The following TTF2 variants were observed in gnomAD, a reference collection of about 807,000 sequenced individuals.
The protein encoded by TTF2 is RNA polymerase II termination factor.
In TTF2, 108 loss-of-function variants were observed where a neutral mutation model predicts 142.4. The ratio of observed to expected loss-of-function variants is 0.76; its 90% CI spans 0.65 to 0.89. The LOEUF (loss-of-function observed/expected upper bound fraction) is 0.89, where lower values mean the gene tolerates loss of function less well. Ranked by LOEUF, TTF2 falls within the 40% of genes least tolerant of loss-of-function variation. TTF2 has a pLI of 0.00. For synonymous variants in TTF2, 483 were observed against 506.2 expected, an observed-to-expected ratio of 0.95 and a Z score of 0.61; for missense variants, 1,327 against 1,379.8, an observed-to-expected ratio of 0.96 and a Z score of 0.61.
intron 11 of TTF2, among the ~76,000 whole-genome samples, chr1:117,084,998 C>T (rs1245264815): frequency 3.3e-5 from 5 of 152,126 alleles, no homozygotes; most frequent in African/African-American, 1.2e-4. Flanking sequence ...CAAAAGGCAT[C>T]AGGGTGGCAG....
At chr1:117,082,203 T>C in intron 10 of TTF2, 1 of 455,012 alleles carries the variant, frequency 2.2e-6, no homozygotes, top group South Asian at 2.1e-5. Flanking sequence ...GAACACTTAA[T>C]TTAAGCATAA....
Position 117,086,479 on chromosome 1 carries a change from A to G in TTF2, c.2117A>G (p.Asn706Ser). 6.2e-7 allele frequency: 1 copy of G among 1,614,128 alleles called. No homozygotes were observed. The highest frequency in any genetic ancestry group is 1.1e-5 in the South Asian group (1 of 91,076). ...CTCGTGGCCAAGGAGATTCCCACAA[A>G]CAAGCAAGAGGCAGAGATCCCAGGT... ...YSLVAKEIPTNKQEAEIPGAN... is the reference protein window; with the variant it reads ...YSLVAKEIPTSKQEAEIPGAN... The change falls in exon 12 of 23, where the codon AAC becomes AGC. Residue 706 changes from asparagine to serine, a missense_variant. Physicochemically the swap from Asn to Ser is conservative, Grantham distance 46. Coordinates refer to ENST00000369466, the MANE Select transcript of TTF2 (RefSeq NM_003594.4). The surrounding 1 kb of genome is among the most constrained non-coding windows in gnomAD (Gnocchi z 4.2).
chr1:117,096,312 C>T lies in TTF2; in HGVS notation c.3186+13C>T. On this transcript the variant is annotated intron_variant, in intron 20 of 22. Coordinates refer to ENST00000369466, the MANE Select transcript of TTF2 (RefSeq NM_003594.4). Reference sequence around the variant, plus strand: ...CAGAGGCCCTCAGGTACAAGCTGGTCACATCAGAGCCGCATAATTAACTGT... The same window carrying T: ...CAGAGGCCCTCAGGTACAAGCTGGTTACATCAGAGCCGCATAATTAACTGT... 1 of 1,612,754 alleles carries T rather than the reference C, an allele frequency of 6.2e-7. No homozygotes were observed. Among genetic ancestry groups the T allele is most frequent in the Non-Finnish European group, 8.5e-7 (1 of 1,179,458 alleles).
chr1:117,081,467 A>G (rs541254511), intron 9 of TTF2, among the ~76,000 whole-genome samples: 1 of 152,258 alleles, frequency 6.6e-6, no homozygotes, highest in Non-Finnish European at 1.5e-5. Flanking sequence ...AGTAGGATAT[A>G]TCTACTGGAC....
At chr1:117,068,838 C>G (rs905899636) in intron 3 of TTF2, among the ~76,000 whole-genome samples, 1 of 152,214 alleles carries the variant, frequency 6.6e-6, no homozygotes, top group African/African-American at 2.4e-5. Context: ...CAGTACCATG[C>G]ACTGCACTGT....
In TTF2 at chr1:117,097,617, C is replaced by T. The variant is rs960154340; in HGVS notation, c.3269+184C>T. ...TAGGGCTAGCTGACTCCCCTGAATT[C>T]CTGAGCTAGCAAGCCTTCAAATGAC... is the stretch of plus-strand genomic sequence containing the variant. On this transcript the variant is annotated intron_variant, in intron 21 of 22. Transcript: ENST00000369466. This position sits in a 1 kb window ranked among gnomAD's most constrained non-coding sequence, Gnocchi z 4.1. Among the ~76,000 whole-genome samples, 8 of 152,304 alleles carry T rather than the reference C, an allele frequency of 5.3e-5. No homozygotes were observed. The highest frequency in any genetic ancestry group is 1.7e-4 in the African/African-American group (7 of 41,574).
chr1:117,084,303 C>T (rs1252950571), intron 11 of TTF2, 135 bp downstream of exon 11: 18 of 1,102,600 alleles, frequency 1.6e-5, no homozygotes, highest in Non-Finnish European at 2.2e-5. Flanking sequence ...TCTTTAGTCT[C>T]GTCACCATAC....
In TTF2 at chr1:117,104,633, T is replaced by C. The variant is rs938961911; in HGVS notation, c.*3109T>C. The stretch of plus-strand genomic sequence containing the variant: ...GGTAGGTGTTCTTATAGCCGTGAGA[T>C]GCTACTGACTTGAGGTGGATGCAGA... On this transcript the variant is annotated 3_prime_UTR_variant, in exon 23 of 23. Coordinates refer to ENST00000369466, the MANE Select transcript of TTF2 (RefSeq NM_003594.4). 1.3e-5 allele frequency: 2 copies of C among 152,210 alleles called. No homozygotes were observed. The highest frequency in any genetic ancestry group is 2.4e-5 in the African/African-American group (1 of 41,444). The allele number at this position is 152,210 out of a possible 1,614,324, so 9.4% of individuals were successfully genotyped here.
rs551207576 is a variant in TTF2 at position 117,100,991 on chromosome 1, G to A, written c.3345-389G>A. ...TTGGTTTGAAAACCCTGTTTTTATT[G>A]TGAATTCACTAAGAAATACTCTACT... is the stretch of plus-strand genomic sequence containing the variant. On this transcript the variant is annotated intron_variant, in intron 22 of 22. Transcript: ENST00000369466. This position sits in a 1 kb window ranked among gnomAD's most constrained non-coding sequence, Gnocchi z 4.6. Among the ~76,000 whole-genome samples the A allele has an allele frequency of 3.3e-5, 5 of 152,258 alleles. No individual in the cohort carries two copies. The highest frequency in any genetic ancestry group is 1.2e-4 in the African/African-American group (5 of 41,560).
At chr1:117,094,508 G>A (rs1427564023) in intron 18 of TTF2, 1 of 447,646 alleles carries the variant, frequency 2.2e-6, no homozygotes, top group African/African-American at 2.0e-5. Flanking sequence ...GCACCCTAAG[G>A]GTTCTTGGGG....
Position 117,073,406 on chromosome 1 carries a change from T to G in TTF2, c.219-255T>G, listed in dbSNP as rs1167650746. ...CAGTGTTTCTATTTCAGTCATTCGT[T>G]ACAGACTAAAAAGAATAAACCTGTG... On this transcript the variant is annotated intron_variant, in intron 3 of 22. Transcript: ENST00000369466. This position sits in a 1 kb window ranked among gnomAD's most constrained non-coding sequence, Gnocchi z 4.4. Among the ~76,000 whole-genome samples the G allele has an allele frequency of 6.6e-6, 1 of 152,222 alleles. No individual in the cohort carries two copies. Among genetic ancestry groups the G allele is most frequent in the African/African-American group, 2.4e-5 (1 of 41,452 alleles).
rs1389252751 is a variant in TTF2 at position 117,102,935 on chromosome 1, C to A, written c.*1411C>A. ...CGGGCACCCAGAGAGACTGTATTTC[C>A]CAGTTTTTGCTGCAGTTTGACGGGG... On this transcript the variant is annotated 3_prime_UTR_variant, in exon 23 of 23. Transcript: ENST00000369466. 6.6e-6 allele frequency: 1 copy of A among 152,216 alleles called. No individual in the cohort carries two copies. Among genetic ancestry groups the A allele is most frequent in the Non-Finnish European group, 1.5e-5 (1 of 68,032 alleles). 9.4% of individuals were successfully genotyped at this position (152,216 alleles called of 1,614,324 possible). A position where few individuals can be genotyped will look rare whatever the true frequency, so the allele number is the denominator to read the frequency against.
In TTF2 at chr1:117,099,703, T is replaced by G. The variant is rs116328540; in HGVS notation, c.3344+796T>G. On this transcript the variant is annotated intron_variant, in intron 22 of 22. Coordinates refer to ENST00000369466, the MANE Select transcript of TTF2 (RefSeq NM_003594.4). The surrounding 1 kb of genome is among the most constrained non-coding windows in gnomAD (Gnocchi z 4.3). ...CTCACAATGGCCCTCTTTTTTGCCT[T>G]CCTTTTCATGACCAGGTTTCCTGAA... Among the ~76,000 whole-genome samples, 1,525 of 152,328 alleles carry G rather than the reference T, an allele frequency of 0.01. 22 individuals are homozygous for G. The highest frequency in any genetic ancestry group is 0.031 in the Middle Eastern group (9 of 294).
rs10524337 is a variant in TTF2 at position 117,089,260 on chromosome 1, C to CTATA, written c.2342+292_2342+295dup. 9.1e-3 allele frequency among the ~76,000 whole-genome samples: 1,246 copies of CTATA among 137,528 alleles called. 43 individuals carry two copies. The highest frequency in any genetic ancestry group is 0.022 in the African/African-American group (832 of 37,244). The allele number at this position is 137,528 out of a possible 152,430, so 90.2% of individuals were successfully genotyped here. On this transcript the variant is annotated intron_variant, in intron 13 of 22. Transcript: ENST00000369466. Reference sequence around the variant, plus strand: ...TATGCAAAATATATGCAAATATATGCTATATATATATATATATGCAAAAAT... The same window carrying CTATA: ...TATGCAAAATATATGCAAATATATGCTATATATATATATATATATATGCAAAAAT...
Position 117,073,760 on chromosome 1 carries a change from G to A in TTF2, c.285+33G>A. 6.3e-7 allele frequency: 1 copy of A among 1,597,172 alleles called. No individual in the cohort carries two copies. The highest frequency in any genetic ancestry group is 8.6e-7 in the Non-Finnish European group (1 of 1,166,768). The stretch of plus-strand genomic sequence containing the variant: ...TTATTCATCTGTTTTCAAACCTGCT[G>A]TGTTAAGACTTTTAATATGCAGCAT... On this transcript the variant is annotated intron_variant, in intron 4 of 22. Transcript: ENST00000369466. This position sits in a 1 kb window ranked among gnomAD's most constrained non-coding sequence, Gnocchi z 4.4.
chr1:117,069,009 G>C (rs913099471), intron 3 of TTF2, among the ~76,000 whole-genome samples: 9 of 152,136 alleles, frequency 5.9e-5, no homozygotes, highest in African/African-American at 2.2e-4. Flanking sequence ...TTATTTCTCA[G>C]CTTCAGAGTT....
At chr1:117,074,461 G>A (rs1445427612) in intron 4 of TTF2, among the ~76,000 whole-genome samples, 1 of 152,106 alleles carries the variant, frequency 6.6e-6, no homozygotes, top group Non-Finnish European at 1.5e-5. Context: ...AGTCCTTTGT[G>A]GGTTTGGCAC....
rs1649868128 is a variant in TTF2, at chr1:117,105,425, C to T, written c.*3901C>T. 1 of 152,264 alleles carries T rather than the reference C, an allele frequency of 6.6e-6. No individual in the cohort carries two copies. The highest frequency in any genetic ancestry group is 2.4e-5 in the African/African-American group (1 of 41,438). 9.4% of individuals were successfully genotyped at this position (152,264 alleles called of 1,614,324 possible). On this transcript the variant is annotated 3_prime_UTR_variant, in exon 23 of 23. Coordinates refer to ENST00000369466, the MANE Select transcript of TTF2 (RefSeq NM_003594.4). The surrounding 1 kb of genome is among the most constrained non-coding windows in gnomAD (Gnocchi z 4.7). ...GGCCCTTTAAAAACCTTGTCAGTGACTCCCATTGCAGGCCCAGCGCAGTGG... is the reference window on the plus strand; with the variant it reads ...GGCCCTTTAAAAACCTTGTCAGTGATTCCCATTGCAGGCCCAGCGCAGTGG...
rs768794542 is a variant in TTF2 at position 117,086,542 on chromosome 1, A to G, written c.2160+20A>G. On this transcript the variant is annotated intron_variant, in intron 12 of 22. Transcript: ENST00000369466. The surrounding 1 kb of genome is among the most constrained non-coding windows in gnomAD (Gnocchi z 4.2). ...GTGGAGGTGAGGCTGGGGGGCAGCC[A>G]GGGAAGTGGAGTTGGAGCCACAGAT... 5.1e-6 allele frequency: 8 copies of G among 1,581,778 alleles called. No individual in the cohort carries two copies. In the Admixed American group the frequency reaches 1.3e-4, roughly 27 times the overall value.
Sources: allele counts gnomAD v4.1 joint callset (sites outside exome capture counted in the v4.1 genomes callset), GRCh38; gene constraint gnomAD v4.1.1; non-coding constraint Gnocchi (gnomAD v3.1); transcripts MANE v1.5; gene names NCBI Gene and HGNC (gene_info 2026-07-23, HGNC 2026-07-21).